CFAP97: variants seen among roughly 807,000 people sequenced by gnomAD.
CFAP97 encodes cilia and flagella associated protein 97, also known as cilia- and flagella-associated protein 97.
A neutral mutation model predicts 43.1 loss-of-function variants in CFAP97; 36 were observed. The observed-to-expected ratio is 0.84, with a 90% CI of 0.64 to 1.10. The LOEUF (loss-of-function observed/expected upper bound fraction) is 1.10, where lower values mean the gene tolerates loss of function less well. CFAP97 is among the 50% of genes least tolerant of loss of function. CFAP97 has a pLI of 0.00. For synonymous variants in CFAP97, 228 were observed against 225.7 expected (o/e 1.01, Z -0.09); for missense variants, 657 against 620.3 (o/e 1.06, Z -0.63).
At position 185,203,882 on chromosome 4, in the gene CFAP97, C is replaced by T. The variant is rs1217930693; in HGVS notation, c.-17+16G>A. 6.6e-6 allele frequency: 1 copy of T among 151,768 alleles called. No individual in the cohort carries two copies. Among genetic ancestry groups the T allele is most frequent in the African/African-American group, 2.4e-5 (1 of 41,356 alleles). 9.4% of individuals were successfully genotyped at this position (151,768 alleles called of 1,614,324 possible). ...CCCGCGAGCAGGGAGCCAGGAGCCGCTCGCGCGCCCCTCACCTGAGAGCCG... is the reference window on the plus strand; with the variant it reads ...CCCGCGAGCAGGGAGCCAGGAGCCGTTCGCGCGCCCCTCACCTGAGAGCCG... On this transcript the variant is annotated intron_variant, in intron 1 of 4. Transcript: ENST00000458385.
intron 2 of CFAP97, among the ~76,000 whole-genome samples, chr4:185,181,284 T>A (rs1419433943): frequency 7.0e-6 from 1 of 142,582 alleles, no homozygotes; most frequent in Non-Finnish European, 1.5e-5. Context: ...TAAAAAAAAA[T>A]TAATTAAATA....
chr4:185,165,204 T>C (rs980815034), intron 3 of CFAP97, among the ~76,000 whole-genome samples: 5 of 152,204 alleles, frequency 3.3e-5, no homozygotes, highest in African/African-American at 1.2e-4. Flanking sequence ...TCCCAGCACT[T>C]TGGGGAGCCC....
At chr4:185,193,909 T>TAAATAAATAAATAAATA (rs1180950963) in intron 1 of CFAP97, among the ~76,000 whole-genome samples, 2 of 151,752 alleles carry the variant, frequency 1.3e-5, no homozygotes, top group East Asian at 1.9e-4. Context: ...AATAAATAAA[T>TAAATAAATAAATAAATA]AAGGGAATTC....
At chr4:185,202,373 A>C (rs908261646) in intron 1 of CFAP97, among the ~76,000 whole-genome samples, 1 of 152,088 alleles carries the variant, frequency 6.6e-6, no homozygotes, top group Non-Finnish European at 1.5e-5. Flanking sequence ...ACATGGCCAA[A>C]CCCCACCTCT....
chr4:185,196,114 TA>T lies in CFAP97; in HGVS notation c.-16-4903del, dbSNP rs781408165. Among the ~76,000 whole-genome samples, 7 of 152,320 alleles carry T rather than the reference TA, an allele frequency of 4.6e-5. 1 individual carries two copies. The highest frequency in any genetic ancestry group is 2.0e-4 in the Admixed American group (3 of 15,290). ...ATAAACTACAGGTCACAATCCAGTT[TA>T]AAATCAATTCAGTAGCTCATGTCCA... On this transcript the variant is annotated intron_variant, in intron 1 of 4. Transcript: ENST00000458385.
intron 1 of CFAP97, among the ~76,000 whole-genome samples, chr4:185,200,605 G>A (rs767651502): frequency 8.6e-5 from 13 of 151,882 alleles, no homozygotes; most frequent in Non-Finnish European, 1.8e-4. Context: ...CTTGCGTCAC[G>A]GCACTCCAGC....
intron 2 of CFAP97, among the ~76,000 whole-genome samples, chr4:185,188,024 G>GT (rs1348573411): frequency 2.0e-5 from 3 of 152,002 alleles, no homozygotes; most frequent in Non-Finnish European, 4.4e-5. Flanking sequence ...AGCCTCCTGA[G>GT]TAGCTGGGAC....
chr4:185,175,695 A>T, intron 3 of CFAP97, 91 bp downstream of exon 3: 1 of 1,201,892 alleles, frequency 8.3e-7, no homozygotes, highest in Non-Finnish European at 1.2e-6. Context: ...TGAAGTTTGA[A>T]TATTTGGCTG....
chr4:185,166,194 T>C (rs1735063064), intron 3 of CFAP97, among the ~76,000 whole-genome samples: 1 of 152,224 alleles, frequency 6.6e-6, no homozygotes, highest in African/African-American at 2.4e-5. Context: ...TCCACCTGAC[T>C]GTAAAGTCCA....
At chr4:185,182,640 G>C (rs1037698192) in intron 2 of CFAP97, 2 of 152,144 alleles carry the variant, frequency 1.3e-5, no homozygotes, top group African/African-American at 4.8e-5. Flanking sequence ...GATCATGTCG[G>C]TAACACCCAG....
At chr4:185,164,273 CT>C (rs34135937) in intron 3 of CFAP97, 94 bp from the exon 4 acceptor site, 26,534 of 955,488 alleles carry the variant, frequency 0.028, no homozygotes, top group East Asian at 0.064. Context: ...CACTTTCTTT[CT>C]TTTTTTTTTT....
At position 185,160,933 on chromosome 4, in the gene CFAP97, CAT is replaced by C. The variant is rs564744699; in HGVS notation, c.*1863_*1864del. ...ATATAAAAAGATTATATATATAAAA[CAT>C]ATATATATATTTTTTTCTGGAACAA... On this transcript the variant is annotated 3_prime_UTR_variant, in exon 5 of 5. Transcript: ENST00000458385. 1.1e-3 allele frequency: 161 copies of C among 144,316 alleles called. No individual in the cohort carries two copies. Among genetic ancestry groups the C allele is most frequent in the African/African-American group, 3.6e-3 (144 of 39,726 alleles). The allele number at this position is 144,316 out of a possible 1,614,324, so 8.9% of individuals were successfully genotyped here.
intron 2 of CFAP97, among the ~76,000 whole-genome samples, chr4:185,186,294 G>A (rs535920912): frequency 7.9e-5 from 12 of 152,128 alleles, no homozygotes; most frequent in South Asian, 4.1e-4. Flanking sequence ...TTAGCCAGGC[G>A]TGGTGGAGGG....
chr4:185,160,514 C>T lies in CFAP97; in HGVS notation c.*2284G>A, dbSNP rs541291267. The T allele has an allele frequency of 1.3e-5, 2 of 152,144 alleles. No individual in the cohort carries two copies. Among genetic ancestry groups the T allele is most frequent in the East Asian group, 3.9e-4 (2 of 5,174 alleles). 9.4% of individuals were successfully genotyped at this position (152,144 alleles called of 1,614,324 possible). On this transcript the variant is annotated 3_prime_UTR_variant, in exon 5 of 5. Coordinates refer to ENST00000458385, the MANE Select transcript of CFAP97 (RefSeq NM_020827.3). ...TCATAGCATCTTGACTTAGAATATA[C>T]CACATTTTCCAAGTCCTATTTGTCT...
At chr4:185,167,721 C>T (rs1404156374) in intron 3 of CFAP97, among the ~76,000 whole-genome samples, 2 of 151,936 alleles carry the variant, frequency 1.3e-5, no homozygotes, top group African/African-American at 2.4e-5. Context: ...TCAGGCTGGG[C>T]GTGGTGGCTC....
intron 2 of CFAP97, among the ~76,000 whole-genome samples, chr4:185,188,694 G>A (rs943268265): frequency 6.1e-5 from 8 of 132,088 alleles, no homozygotes; most frequent in African/African-American, 1.6e-4. Flanking sequence ...AAACTAATAG[G>A]ATTGATTTAC....
chr4:185,181,999 G>C (rs1735810933), intron 2 of CFAP97, among the ~76,000 whole-genome samples: 1 of 152,012 alleles, frequency 6.6e-6, no homozygotes, highest in South Asian at 2.1e-4. Context: ...GCTCATCAAT[G>C]CTTCTTCAAT....
intron 1 of CFAP97, among the ~76,000 whole-genome samples, chr4:185,197,086 G>A (rs1320061408): frequency 6.2e-5 from 8 of 128,024 alleles, no homozygotes; most frequent in South Asian, 5.1e-4. Flanking sequence ...GCAATAGAGC[G>A]AGACTCCCTC....
chr4:185,199,858 T>C (rs943119681), intron 1 of CFAP97, among the ~76,000 whole-genome samples: 3 of 128,116 alleles, frequency 2.3e-5, no homozygotes, highest in Non-Finnish European at 5.6e-5. Context: ...TTACTGCTCA[T>C]TGACAATGTA....
Sources: allele counts gnomAD v4.1 joint callset (sites outside exome capture counted in the v4.1 genomes callset), GRCh38; gene constraint gnomAD v4.1.1; transcripts MANE v1.5; gene names NCBI Gene and HGNC (gene_info 2026-07-23, HGNC 2026-07-21).